Variants in SMO observed in about 807,000 individuals in gnomAD.
SMO encodes the protein protein smoothened.
Under a neutral mutation model 81.6 loss-of-function variants are expected in SMO, and 40 were observed. That is an observed-to-expected ratio of 0.49 (90% CI 0.38 to 0.64). SMO has a LOEUF of 0.64. SMO is among the 30% of genes least tolerant of loss of function. SMO has a pLI of 0.00. For missense variants in SMO, 916 were observed against 1,061.1 expected (o/e 0.86, Z 1.90); for synonymous variants, 434 against 432.1 (o/e 1.00, Z -0.05).
rs1482595501 is a variant in SMO, at chr7:129,210,755, A to G, written c.1652+207A>G. Among the ~76,000 whole-genome samples, 1 of 152,234 alleles carries G rather than the reference A, an allele frequency of 6.6e-6. No individual in the cohort carries two copies. Among genetic ancestry groups the G allele is most frequent in the Non-Finnish European group, 1.5e-5 (1 of 68,040 alleles). On this transcript the variant is annotated intron_variant, in intron 9 of 11. Coordinates refer to ENST00000249373, the MANE Select transcript of SMO (RefSeq NM_005631.5). This position sits in a 1 kb window ranked among gnomAD's most constrained non-coding sequence, Gnocchi z 4.7. Reference sequence around the variant, plus strand: ...CAGAGCCAGCTGCCATCACCTTTTAAGAGCGGAGTGATTGGAGGGCTGGGC... The same window carrying G: ...CAGAGCCAGCTGCCATCACCTTTTAGGAGCGGAGTGATTGGAGGGCTGGGC...
chr7:129,204,743 C>G (rs746709071), intron 2 of SMO, among the ~76,000 whole-genome samples: 6 of 151,980 alleles, frequency 3.9e-5, no homozygotes, highest in African/African-American at 1.5e-4. Context: ...ACTGGCCGGG[C>G]GCAGTGGCTC....
chr7:129,203,390 G>A lies in SMO; in HGVS notation c.338G>A (p.Arg113Gln), dbSNP rs578002520. The A allele has an allele frequency of 3.1e-5, 48 of 1,551,352 alleles. No homozygotes were observed. Among genetic ancestry groups the A allele is most frequent in the Admixed American group, 1.8e-4 (9 of 51,048 alleles). Residue 113 changes from arginine to glutamine, a missense_variant, in exon 2 of 12, where the codon CGG becomes CAG. Coordinates refer to ENST00000249373, the MANE Select transcript of SMO (RefSeq NM_005631.5). Reference protein sequence around the residue: ...HGKLVLWSGLRNAPRCWAVIQ... With the variant: ...HGKLVLWSGLQNAPRCWAVIQ... ...ATGCTGTTGCCACCCCCAGGCCTCCGGAATGCCCCCCGCTGCTGGGCAGTG... is the reference window on the plus strand; with the variant it reads ...ATGCTGTTGCCACCCCCAGGCCTCCAGAATGCCCCCCGCTGCTGGGCAGTG...
chr7:129,202,667 G>T (rs1225745369), intron 1 of SMO, among the ~76,000 whole-genome samples: 1 of 152,056 alleles, frequency 6.6e-6, no homozygotes. Context: ...TTCCTCCTCT[G>T]GCTTTGGAGT....
chr7:129,212,029 C>A lies in SMO; in HGVS notation c.1942C>A (p.Pro648Thr), dbSNP rs1442264163. 1.3e-6 allele frequency: 2 copies of A among 1,585,420 alleles called. No individual in the cohort carries two copies. Among genetic ancestry groups the A allele is most frequent in the Non-Finnish European group, 8.5e-7 (1 of 1,172,526 alleles). The change falls in exon 12 of 12, where the codon CCA becomes ACA. Residue 648 changes from proline to threonine, a missense_variant. Around this residue, in one of 4 missense-constraint regions of SMO, gnomAD observed 324 missense variants for 312.9 expected, o/e 1.04. Coordinates refer to ENST00000249373, the MANE Select transcript of SMO (RefSeq NM_005631.5). This position sits in a 1 kb window ranked among gnomAD's most constrained non-coding sequence, Gnocchi z 5.0. Reference protein sequence around the residue: ...SVTPVATPVPPEEQANLWLVE... With the variant: ...SVTPVATPVPTEEQANLWLVE... ...GTTGTCTCTCCTCCTGTCAGTGCCC[C>A]CAGAGGAACAAGCCAACCTGTGGCT...
intron 1 of SMO, among the ~76,000 whole-genome samples, chr7:129,193,235 C>T (rs1353229594): frequency 6.6e-6 from 1 of 152,226 alleles, no homozygotes; most frequent in African/African-American, 2.4e-5. Context: ...TCCTTAACCA[C>T]TGCTGTGCTC....
At chr7:129,193,785 A>AAAAATATATATAT (rs1563145734) in intron 1 of SMO, among the ~76,000 whole-genome samples, 2 of 26,346 alleles carry the variant, frequency 7.6e-5, no homozygotes, top group African/African-American at 1.7e-4. Context: ...AAAAAAAAAA[A>AAAAATATATATAT]ATATATATAT....
At position 129,211,331 on chromosome 7, in the gene SMO, G is replaced by A; in HGVS notation, c.1801+218G>A. On this transcript the variant is annotated intron_variant, in intron 10 of 11. Coordinates refer to ENST00000249373, the MANE Select transcript of SMO (RefSeq NM_005631.5). This position sits in a 1 kb window ranked among gnomAD's most constrained non-coding sequence, Gnocchi z 4.6. ...TCTGCCCCTGGGTCTGCTTGCCGGT[G>A]CTTGGGTTCCAAGAAGACTCCCCTC... 1.4e-6 allele frequency: 1 copy of A among 719,516 alleles called. No individual in the cohort carries two copies. The highest frequency in any genetic ancestry group is 2.0e-5 in the Admixed American group (1 of 49,938). The allele number at this position is 719,516 out of a possible 1,614,324, so 44.6% of individuals were successfully genotyped here.
In SMO at chr7:129,210,363, A is replaced by T. The variant is rs1563151230; in HGVS notation, c.1467A>T (p.Leu489=). Residue 489 remains leucine (L), a splice_region_variant and synonymous_variant, in exon 9 of 12, where the codon CTA becomes CTT. Transcript: ENST00000249373. This position sits in a 1 kb window ranked among gnomAD's most constrained non-coding sequence, Gnocchi z 4.7. Reference sequence around the variant, plus strand: ...ACCTGTCTACGTTCCCTCACTGTAGATGTCAGGCCAATGTGACCATCGGGC... The same window carrying T: ...ACCTGTCTACGTTCCCTCACTGTAGTTGTCAGGCCAATGTGACCATCGGGC... ...EWERSFRDYV[L]CQANVTIGLP... is the part of the protein sequence containing the mutation. The T allele has an allele frequency of 6.2e-7, 1 of 1,613,356 alleles. No individual in the cohort carries two copies. Among genetic ancestry groups the T allele is most frequent in the East Asian group, 2.2e-5 (1 of 44,876 alleles).
intron 6 of SMO, among the ~76,000 whole-genome samples, chr7:129,207,614 C>T (rs1436810488): frequency 6.6e-6 from 1 of 152,174 alleles, no homozygotes; most frequent in Non-Finnish European, 1.5e-5. Context: ...CTAGTCCAGC[C>T]TGGGTGCGGC....
chr7:129,209,493 T>C (rs1252847524), intron 8 of SMO, 96 bp downstream of exon 8: 1 of 748,410 alleles, frequency 1.3e-6, no homozygotes, highest in East Asian at 2.6e-5. Context: ...ATTTGCCAGG[T>C]CCCTGCTGCA....
At position 129,203,467 on chromosome 7, in the gene SMO, G is replaced by T; in HGVS notation, c.415G>T (p.Val139Leu). The change falls in exon 2 of 12, where the codon GTG becomes TTG. Residue 139 changes from valine (V) to leucine (L), a missense_variant. Physicochemically the swap from Val to Leu is conservative, Grantham distance 32. Coordinates refer to ENST00000249373, the MANE Select transcript of SMO (RefSeq NM_005631.5). Reference protein sequence around the residue: ...VYMPKCENDRVELPSRTLCQA... With the variant: ...VYMPKCENDRLELPSRTLCQA... ...CATGCCCAAGTGTGAGAATGACCGG[G>T]TGGAGCTGCCCAGCCGTACCCTCTG... The T allele has an allele frequency of 6.3e-7, 1 of 1,588,380 alleles. No homozygotes were observed. The highest frequency in any genetic ancestry group is 1.7e-4 in the Middle Eastern group (1 of 6,028).
intron 1 of SMO, among the ~76,000 whole-genome samples, chr7:129,190,030 G>C (rs2150638992): frequency 6.6e-6 from 1 of 152,262 alleles, no homozygotes; most frequent in Non-Finnish European, 1.5e-5. Flanking sequence ...ATCTTGATTT[G>C]GGAGACAGGA....
Position 129,210,243 on chromosome 7 carries a change from T to C in SMO, c.1467-120T>C, listed in dbSNP as rs4728158. 1.2e-5 allele frequency: 9 copies of C among 757,974 alleles called. No homozygotes were observed. The highest frequency in any genetic ancestry group is 2.0e-5 in the Non-Finnish European group (9 of 456,262). The allele number at this position is 757,974 out of a possible 1,614,324, so 47.0% of individuals were successfully genotyped here. A position where few individuals can be genotyped will look rare whatever the true frequency, so the allele number is the denominator to read the frequency against. ...TTGCCTGAGCCCAGGAGTTGGAAGC[T>C]GCAGTGGGTTGTGATCACGCCACCG... On this transcript the variant is annotated intron_variant, in intron 8 of 11. Transcript: ENST00000249373. The surrounding 1 kb of genome is among the most constrained non-coding windows in gnomAD (Gnocchi z 4.7).
chr7:129,210,857 C>A lies in SMO; in HGVS notation c.1653-108C>A. 1 of 1,260,682 alleles carries A rather than the reference C, an allele frequency of 7.9e-7. No individual in the cohort carries two copies. The highest frequency in any genetic ancestry group is 1.1e-6 in the Non-Finnish European group (1 of 907,202). The allele number at this position is 1,260,682 out of a possible 1,614,324, so 78.1% of individuals were successfully genotyped here. A position where few individuals can be genotyped will look rare whatever the true frequency, so the allele number is the denominator to read the frequency against. The stretch of plus-strand genomic sequence containing the variant: ...TCCTGAGTCCTTGAAGGACTTGAGG[C>A]CCTTGGGAGCCTCCTTCTCTGGAAA... On this transcript the variant is annotated intron_variant, in intron 9 of 11. Coordinates refer to ENST00000249373, the MANE Select transcript of SMO (RefSeq NM_005631.5). This position sits in a 1 kb window ranked among gnomAD's most constrained non-coding sequence, Gnocchi z 4.7.
In SMO at chr7:129,208,846, G is replaced by A. The variant is rs1204546630; in HGVS notation, c.1352G>A (p.Arg451His). The change falls in exon 7 of 12, where the codon CGC (arginine) becomes CAC (histidine). Residue 451 changes from arginine (R) to histidine (H), a missense_variant. Physicochemically the swap from Arg to His is conservative, Grantham distance 29. This residue lies in a region of SMO where 436 missense variants were observed against 570.9 expected (regional missense o/e 0.76). Transcript: ENST00000249373. The surrounding 1 kb of genome is among the most constrained non-coding windows in gnomAD (Gnocchi z 5.2). ...AGCAAGATCAACGAGACCATGCTGC[G>A]CCTGGGTGAGTGGCCCCGGGGGACT... ...AASKINETML[R>H]LGIFGFLAFG... 2.5e-6 allele frequency: 4 copies of A among 1,612,562 alleles called. No individual in the cohort carries two copies. Among genetic ancestry groups the A allele is most frequent in the Non-Finnish European group, 1.7e-6 (2 of 1,178,928 alleles).
chr7:129,189,075 A>T lies in SMO; in HGVS notation c.-77A>T. 3 of 1,186,070 alleles carry T rather than the reference A, an allele frequency of 2.5e-6. No individual in the cohort carries two copies. The highest frequency in any genetic ancestry group is 3.1e-6 in the Non-Finnish European group (3 of 953,440). 73.5% of individuals were successfully genotyped at this position (1,186,070 alleles called of 1,614,324 possible). ...GCCTGAGCCGCCTCCGCGGCCGCCG[A>T]GGTCGTGCGTGTGGCCGGGGGGCTC... On this transcript the variant is annotated 5_prime_UTR_variant, in exon 1 of 12. Transcript: ENST00000249373. The surrounding 1 kb of genome is among the most constrained non-coding windows in gnomAD (Gnocchi z 4.7).
rs752958692 is a variant in SMO, at chr7:129,211,768, C to T, written c.1934C>T (p.Pro645Leu). The T allele has an allele frequency of 1.4e-5, 22 of 1,614,068 alleles. No individual in the cohort carries two copies. The highest frequency in any genetic ancestry group is 1.9e-5 in the Non-Finnish European group (22 of 1,179,988). ...ATTTCTGTCACCCCTGTGGCAACTC[C>T]AGGTATGAGAGTTCAAGCTTCTGGA... The part of the protein sequence containing the change: ...QDISVTPVAT[P>L]VPPEEQANLW... The change falls in exon 11 of 12, where the codon CCA becomes CTA. Residue 645 changes from proline (P) to leucine (L), a missense_variant and splice_region_variant. This residue lies in a region of SMO where 324 missense variants were observed against 312.9 expected (regional missense o/e 1.04). Coordinates refer to ENST00000249373, the MANE Select transcript of SMO (RefSeq NM_005631.5). This position sits in a 1 kb window ranked among gnomAD's most constrained non-coding sequence, Gnocchi z 4.6.
chr7:129,201,122 C>T (rs1251777288), intron 1 of SMO, among the ~76,000 whole-genome samples: 1 of 152,146 alleles, frequency 6.6e-6, no homozygotes, highest in African/African-American at 2.4e-5. Flanking sequence ...TCTCCGCTTA[C>T]TGCAACCTCT....
chr7:129,209,583 G>C lies in SMO; in HGVS notation c.1466+186G>C, dbSNP rs548486575. On this transcript the variant is annotated intron_variant, in intron 8 of 11. Coordinates refer to ENST00000249373, the MANE Select transcript of SMO (RefSeq NM_005631.5). Reference sequence around the variant, plus strand: ...TTCTCAAACGTGGCAAACAACCTTCGCATCCCTTCTCACCTCTGCCCTTCC... The same window carrying C: ...TTCTCAAACGTGGCAAACAACCTTCCCATCCCTTCTCACCTCTGCCCTTCC... Among the ~76,000 whole-genome samples, 15 of 152,266 alleles carry C rather than the reference G, an allele frequency of 9.9e-5. No individual in the cohort carries two copies. The South Asian group carries it at 1.5e-3, about 15-fold the overall frequency.
Sources: gnomAD v4.1 joint callset for allele counts (sites outside exome capture counted in the v4.1 genomes callset) on GRCh38, gnomAD v4.1.1 for gene constraint, gnomAD v4.1.1 regional missense constraint, Gnocchi (gnomAD v3.1) non-coding constraint, MANE v1.5 for transcripts, NCBI Gene and HGNC (gene_info 2026-07-23, HGNC 2026-07-21) for gene names.